Variants in ABCA12 observed in about 807,000 individuals in gnomAD.
ABCA12 encodes the protein glucosylceramide transporter ABCA12.
ABCA12 carries 156 observed loss-of-function variants against 293.5 expected under a neutral mutation model. That is an observed-to-expected ratio of 0.53 (90% CI 0.47 to 0.61). The LOEUF is 0.61. Among genes scored for constraint, ABCA12 ranks in the 20% least tolerant of loss-of-function variants. ABCA12 has a pLI of 0.00. For synonymous variants in ABCA12, 1,063 were observed against 1,108.0 expected (o/e 0.96, Z 0.81); for missense variants, 2,797 against 3,090.2 (o/e 0.91, Z 2.25).
At chr2:214,976,086 C>T (rs1174103103) in intron 33 of ABCA12, 49 bp from the exon 34 acceptor site, 1 of 1,609,102 alleles carries the variant, frequency 6.2e-7, no homozygotes, top group South Asian at 1.1e-5. Flanking sequence ...TCTTGATAAG[C>T]AATAAAATAA....
At chr2:214,993,657 T>C (rs1032651036) in intron 23 of ABCA12, among the ~76,000 whole-genome samples, 3 of 152,222 alleles carry the variant, frequency 2.0e-5, no homozygotes, top group Non-Finnish European at 4.4e-5. Flanking sequence ...TATACAAACA[T>C]ATTTCGTCCC....
rs1037612867 is a variant in ABCA12, at chr2:215,137,890, T to C, written c.69+250A>G. Reference sequence around the variant, plus strand: ...TCAGCCAGTAATGAGTCATGTTCTTTTTTTTTTGCCCAGGGCATGTCCTGG... The same window carrying C: ...TCAGCCAGTAATGAGTCATGTTCTTCTTTTTTTGCCCAGGGCATGTCCTGG... On this transcript the variant is annotated intron_variant, in intron 1 of 52. Transcript: ENST00000272895. Among the ~76,000 whole-genome samples the C allele has an allele frequency of 9.2e-5, 14 of 152,170 alleles. 1 individual carries two copies. The highest frequency in any genetic ancestry group is 9.2e-4 in the Admixed American group (14 of 15,270).
At chr2:215,065,261 G>T (rs1242546281) in intron 2 of ABCA12, among the ~76,000 whole-genome samples, 2 of 73,468 alleles carry the variant, frequency 2.7e-5, no homozygotes. Context: ...GAAAATTAAG[G>T]CTAAAAAGCA....
intron 2 of ABCA12, among the ~76,000 whole-genome samples, chr2:215,097,989 A>G (rs1702281871): frequency 6.6e-6 from 1 of 152,182 alleles, no homozygotes; most frequent in Admixed American, 6.5e-5. Context: ...TCTGCTTATC[A>G]TAAAACCTAA....
intron 5 of ABCA12, among the ~76,000 whole-genome samples, chr2:215,052,197 G>C (rs1427118656): frequency 6.6e-6 from 1 of 152,056 alleles, no homozygotes; most frequent in African/African-American, 2.4e-5. Context: ...TCCTGCTTCA[G>C]AAAATTAAAA....
intron 48 of ABCA12, among the ~76,000 whole-genome samples, chr2:214,945,768 AT>A (rs1698563089): frequency 6.6e-6 from 1 of 152,182 alleles, no homozygotes; most frequent in African/African-American, 2.4e-5. Context: ...TTAGGTAAAA[AT>A]TTAAAAAATA....
intron 2 of ABCA12, among the ~76,000 whole-genome samples, chr2:215,067,182 C>T (rs10498031): frequency 0.27 from 41,264 of 151,964 alleles, 5,938 homozygotes; most frequent in Middle Eastern, 0.38. Flanking sequence ...TTGACTTCAG[C>T]GCATTCTATC....
At chr2:215,076,665 T>A (rs1190628797) in intron 2 of ABCA12, among the ~76,000 whole-genome samples, 3 of 152,072 alleles carry the variant, frequency 2.0e-5, no homozygotes, top group African/African-American at 7.2e-5. Context: ...AACACACACA[T>A]GTGCAAAAGG....
intron 6 of ABCA12, among the ~76,000 whole-genome samples, chr2:215,047,685 G>T (rs951631615): frequency 6.6e-6 from 1 of 152,052 alleles, no homozygotes; most frequent in Non-Finnish European, 1.5e-5. Flanking sequence ...TTTGATTAAA[G>T]ACTTAAATGT....
chr2:215,043,572 T>TTTGTTGTTGTTG (rs138336317), intron 7 of ABCA12, among the ~76,000 whole-genome samples: 1 of 151,550 alleles, frequency 6.6e-6, no homozygotes, highest in African/African-American at 2.4e-5. Context: ...TTGTGGAATT[T>TTTGTTGTTGTTG]TTGTTGTTGT....
chr2:215,093,181 A>G (rs1702182902), intron 2 of ABCA12, among the ~76,000 whole-genome samples: 1 of 152,168 alleles, frequency 6.6e-6, no homozygotes, highest in Non-Finnish European at 1.5e-5. Flanking sequence ...TACTTATCTC[A>G]GCATAATTCT....
chr2:215,135,222 G>A (rs1361737762), intron 1 of ABCA12, among the ~76,000 whole-genome samples: 2 of 152,088 alleles, frequency 1.3e-5, no homozygotes, highest in Non-Finnish European at 2.9e-5. Flanking sequence ...GCCTCCCAAA[G>A]TGCCGGGATT....
intron 2 of ABCA12, among the ~76,000 whole-genome samples, chr2:215,076,760 T>C (rs1241156954): frequency 1.3e-5 from 2 of 152,210 alleles, no homozygotes; most frequent in East Asian, 1.9e-4. Context: ...GATATATTTA[T>C]ACATGGAGTA....
chr2:214,932,997 A>T (rs1382293664), intron 52 of ABCA12, among the ~76,000 whole-genome samples: 1 of 152,126 alleles, frequency 6.6e-6, no homozygotes, highest in Non-Finnish European at 1.5e-5. Context: ...TTTTATTTAT[A>T]ATCATGTCAA....
At chr2:214,985,493 C>T (rs1699765443) in intron 28 of ABCA12, among the ~76,000 whole-genome samples, 1 of 152,082 alleles carries the variant, frequency 6.6e-6, no homozygotes, top group Admixed American at 6.6e-5. Context: ...ATCTGTAAAA[C>T]AAACCCTCAT....
chr2:214,938,217 G>C (rs1698283095), intron 50 of ABCA12, among the ~76,000 whole-genome samples: 1 of 151,112 alleles, frequency 6.6e-6, no homozygotes, highest in East Asian at 2.0e-4. Flanking sequence ...TTGGTTTTCT[G>C]TTCCTGTGTT....
At position 214,959,047 on chromosome 2, in the gene ABCA12, T is replaced by C. The variant is rs1451060200; in HGVS notation, c.5916A>G (p.Gly1972=). 1.9e-6 allele frequency: 3 copies of C among 1,613,944 alleles called. No homozygotes were observed. The highest frequency in any genetic ancestry group is 2.5e-6 in the Non-Finnish European group (3 of 1,179,800). The change falls in exon 40 of 53, where the codon GGA becomes GGG. Residue 1972 remains glycine (G), a synonymous_variant. Coordinates refer to ENST00000272895, the MANE Select transcript of ABCA12 (RefSeq NM_173076.3). Reference sequence around the variant, plus strand: ...ACGTGGCTTGTTCTTGGTCTTGCACTCCTGGATAAGGATGGCTATACATGA... The same window carrying C: ...ACGTGGCTTGTTCTTGGTCTTGCACCCCTGGATAAGGATGGCTATACATGA... The part of the protein sequence containing the change: ...GIIMYSHPYP[G]VQDQEQATIS...
At chr2:215,014,146 G>A (rs1041164184) in intron 15 of ABCA12, among the ~76,000 whole-genome samples, 1 of 150,998 alleles carries the variant, frequency 6.6e-6, no homozygotes, top group Non-Finnish European at 1.5e-5. Context: ...GCACAACTGC[G>A]CTCCAGTCTG....
intron 33 of ABCA12, among the ~76,000 whole-genome samples, chr2:214,976,587 A>C (rs1699522205): frequency 6.6e-6 from 1 of 152,196 alleles, no homozygotes; most frequent in Non-Finnish European, 1.5e-5. Context: ...GAAAAGGGAA[A>C]TCCTCTCTTC....
Sources: gnomAD v4.1 joint callset for allele counts (sites outside exome capture counted in the v4.1 genomes callset) on GRCh38, gnomAD v4.1.1 for gene constraint, MANE v1.5 for transcripts, NCBI Gene and HGNC (gene_info 2026-07-23, HGNC 2026-07-21) for gene names.